CDK5RAP1: variants seen among roughly 807,000 people sequenced by gnomAD.
The protein encoded by CDK5RAP1 is CDK5RAP1 mitochondrial tRNA methylthiotransferase, also known as mitochondrial tRNA methylthiotransferase CDK5RAP1.
CDK5RAP1 carries 62 observed loss-of-function variants against 64.5 expected under a neutral mutation model. That is an observed-to-expected ratio of 0.96 (90% CI 0.78 to 1.19). The LOEUF is 1.19. CDK5RAP1 is among the 50% of genes most tolerant of loss of function. CDK5RAP1 has a pLI of 0.00. For missense variants in CDK5RAP1, 657 were observed against 735.0 expected, an observed-to-expected ratio of 0.89 and a Z score of 1.23; for synonymous variants, 250 against 261.9, an observed-to-expected ratio of 0.95 and a Z score of 0.44.
chr20:33,366,534 C>A (rs1348397008), intron 12 of CDK5RAP1, among the ~76,000 whole-genome samples: 1 of 152,060 alleles, frequency 6.6e-6, no homozygotes, highest in Non-Finnish European at 1.5e-5. Flanking sequence ...ATCGCTTGAA[C>A]CTGGGAAGCA....
chr20:33,391,249 TAAAAAAAAAAAAA>T (rs60730257), intron 5 of CDK5RAP1, among the ~76,000 whole-genome samples: 2 of 107,360 alleles, frequency 1.9e-5, no homozygotes, highest in South Asian at 3.3e-4. Flanking sequence ...ACTCTGTTTT[TAAAAAAAAAAAAA>T]AAAAAAAAAA....
intron 12 of CDK5RAP1, among the ~76,000 whole-genome samples, chr20:33,364,202 T>C (rs1223612367): frequency 2.0e-5 from 3 of 150,752 alleles, no homozygotes; most frequent in Admixed American, 6.6e-5. Context: ...TTTTTTTTTT[T>C]TTTTGAGATG....
At chr20:33,371,915 C>T (rs924121564) in intron 10 of CDK5RAP1, among the ~76,000 whole-genome samples, 19 of 152,092 alleles carry the variant, frequency 1.2e-4, no homozygotes, top group African/African-American at 2.7e-4. Flanking sequence ...TAAGATAATA[C>T]GAAAGGAATT....
chr20:33,364,848 C>T (rs1983598340), intron 12 of CDK5RAP1, among the ~76,000 whole-genome samples: 1 of 151,368 alleles, frequency 6.6e-6, no homozygotes, highest in African/African-American at 2.4e-5. Context: ...TGGTGGGATT[C>T]CAGGCATGAG....
At chr20:33,399,449 C>G (rs1022929404) in intron 1 of CDK5RAP1, among the ~76,000 whole-genome samples, 2 of 152,222 alleles carry the variant, frequency 1.3e-5, no homozygotes, top group Non-Finnish European at 2.9e-5. Context: ...TATTCTATCT[C>G]TCCATCACAA....
chr20:33,365,756 G>A (rs73115155), intron 12 of CDK5RAP1, among the ~76,000 whole-genome samples: 2 of 152,248 alleles, frequency 1.3e-5, no homozygotes, highest in Admixed American at 6.5e-5. Flanking sequence ...AAGGGAGCTA[G>A]TAACAGCACC....
In CDK5RAP1 at chr20:33,359,049, A is replaced by T; in HGVS notation, c.1758T>A (p.Tyr586Ter). Residue 586 changes from tyrosine (Y) to a stop codon, truncating the protein, a stop_gained, in exon 14 of 14, where the codon TAT (tyrosine) becomes TAA (stop). Coordinates refer to ENST00000346416, the MANE Select transcript of CDK5RAP1 (RefSeq NM_016408.4). LOFTEE classifies it high-confidence loss of function. ...CRTTLRDSSA[Y>*]C ...CTGAGGCCATCCTCTCAGGTCAGCA[A>T]TATGCAGAAGAGTCCCTCAGAGTGG... 1 of 1,611,376 alleles carries T rather than the reference A, an allele frequency of 6.2e-7. No homozygotes were observed. Among genetic ancestry groups the T allele is most frequent in the Non-Finnish European group, 8.5e-7 (1 of 1,177,504 alleles).
At chr20:33,389,476 C>A (rs1283462000) in intron 5 of CDK5RAP1, among the ~76,000 whole-genome samples, 1 of 152,056 alleles carries the variant, frequency 6.6e-6, no homozygotes, top group Non-Finnish European at 1.5e-5. Flanking sequence ...AGCAGCCGCC[C>A]CGTCCGGGAG....
At chr20:33,397,144 G>C in intron 1 of CDK5RAP1, 60 bp from the exon 2 acceptor site, 1 of 1,287,968 alleles carries the variant, frequency 7.8e-7, no homozygotes, top group Non-Finnish European at 1.1e-6. Flanking sequence ...GGACACTGCT[G>C]TGAGCACTTC....
chr20:33,391,643 G>A (rs1282692029), intron 5 of CDK5RAP1, among the ~76,000 whole-genome samples: 1 of 151,990 alleles, frequency 6.6e-6, no homozygotes, highest in African/African-American at 2.4e-5. Flanking sequence ...CCAACATGGG[G>A]AAACCCGTCT....
At chr20:33,365,258 T>G (rs1983692649) in intron 12 of CDK5RAP1, among the ~76,000 whole-genome samples, 1 of 151,916 alleles carries the variant, frequency 6.6e-6, no homozygotes, top group African/African-American at 2.4e-5. Context: ...ATTCTCTATA[T>G]GTTTTTTGTT....
chr20:33,384,490 G>A (rs1042871724), intron 7 of CDK5RAP1, among the ~76,000 whole-genome samples: 2 of 152,126 alleles, frequency 1.3e-5, no homozygotes, highest in Non-Finnish European at 2.9e-5. Context: ...TATGGAAAAT[G>A]CCTCACAGAG....
chr20:33,387,558 C>A, intron 5 of CDK5RAP1, 25 bp from the exon 6 acceptor site: 1 of 1,588,674 alleles, frequency 6.3e-7, no homozygotes, highest in Non-Finnish European at 8.6e-7. Context: ...GAAACAAGCA[C>A]CTTTCCCCAA....
intron 12 of CDK5RAP1, among the ~76,000 whole-genome samples, chr20:33,361,247 C>T (rs1441444027): frequency 6.6e-6 from 1 of 152,192 alleles, no homozygotes. Flanking sequence ...AGCTCAAGCA[C>T]AGCACAGTGG....
chr20:33,389,434 C>T (rs1987996167), intron 5 of CDK5RAP1, among the ~76,000 whole-genome samples: 1 of 152,164 alleles, frequency 6.6e-6, no homozygotes, highest in South Asian at 2.1e-4. Flanking sequence ...CCGGCAGCTG[C>T]CCCGACTGGG....
At chr20:33,369,162 CA>C (rs1380568565) in intron 11 of CDK5RAP1, among the ~76,000 whole-genome samples, 1 of 151,450 alleles carries the variant, frequency 6.6e-6, no homozygotes, top group Non-Finnish European at 1.5e-5. Flanking sequence ...ATTTCTCTGG[CA>C]TATTTGTGAT....
At chr20:33,391,998 C>G in intron 5 of CDK5RAP1, 144 bp downstream of exon 5, 1 of 618,912 alleles carries the variant, frequency 1.6e-6, no homozygotes, top group Non-Finnish European at 2.9e-6. Flanking sequence ...ATCCTGTCAC[C>G]TCTGGCAGTA....
At position 33,358,914 on chromosome 20, in the gene CDK5RAP1, T is replaced by C. The variant is rs1026999293; in HGVS notation, c.*129A>G. The C allele has an allele frequency of 3.0e-6, 2 of 670,448 alleles. No homozygotes were observed. The highest frequency in any genetic ancestry group is 2.5e-5 in the Admixed American group (1 of 40,142). The allele number at this position is 670,448 out of a possible 1,614,324, so 41.5% of individuals were successfully genotyped here. Reference sequence around the variant, plus strand: ...AGCTTTAAAGAGACACGTTTTCCACTGACATAAAGTTGCTTCGCCCCTTGC... The same window carrying C: ...AGCTTTAAAGAGACACGTTTTCCACCGACATAAAGTTGCTTCGCCCCTTGC... On this transcript the variant is annotated 3_prime_UTR_variant, in exon 14 of 14. Coordinates refer to ENST00000346416, the MANE Select transcript of CDK5RAP1 (RefSeq NM_016408.4).
chr20:33,383,113 G>A (rs947606641), intron 7 of CDK5RAP1, among the ~76,000 whole-genome samples: 4 of 150,218 alleles, frequency 2.7e-5, no homozygotes, highest in Admixed American at 6.6e-5. Context: ...CCTGGGAGGC[G>A]GAGGTTGCGG....
Sources: allele counts gnomAD v4.1 joint callset (sites outside exome capture counted in the v4.1 genomes callset), GRCh38; gene constraint gnomAD v4.1.1; transcripts MANE v1.5; gene names NCBI Gene and HGNC (gene_info 2026-07-23, HGNC 2026-07-21).